The following NLRP2 variants were observed in gnomAD, a reference collection of about 807,000 sequenced individuals.
NLRP2 encodes NLR family pyrin domain containing 2, also known as NACHT, LRR and PYD domains-containing protein 2.
A neutral mutation model predicts 97.2 loss-of-function variants in NLRP2; 107 were observed. That is an observed-to-expected ratio of 1.10 (90% CI 0.94 to 1.29). The LOEUF is 1.29. Among genes scored for constraint, NLRP2 ranks in the 50% most tolerant of loss-of-function variants. The probability of loss-of-function intolerance (pLI) is 0.00; values close to 1 mark genes in which losing one functional copy is unlikely to be tolerated. For missense variants in NLRP2, 1,495 were observed against 1,330.3 expected (o/e 1.12, Z -1.93); for synonymous variants, 663 against 551.5 (o/e 1.20, Z -2.83).
chr19:54,983,579 A>C lies in NLRP2; in HGVS notation c.1881A>C (p.Glu627Asp). The change falls in exon 6 of 13, where the codon GAA becomes GAC. Residue 627 changes from glutamate (E) to aspartate (D), a missense_variant. Glu to Asp is a conservative substitution (Grantham distance 45, BLOSUM62 2). Transcript: ENST00000448584. ...AGGAGGTGATGGCTCAGTTCAAAGA[A>C]ATATCCCTGCACTTAAATGCAGTAG... Reference protein sequence around the residue: ...LVKEVMAQFKEISLHLNAVDV... With the variant: ...LVKEVMAQFKDISLHLNAVDV... 6.2e-7 allele frequency: 1 copy of C among 1,614,138 alleles called. No individual in the cohort carries two copies. Among genetic ancestry groups the C allele is most frequent in the Non-Finnish European group, 8.5e-7 (1 of 1,180,002 alleles).
intron 8 of NLRP2, among the ~76,000 whole-genome samples, chr19:54,987,137 C>CCCCCA (rs1568514926): frequency 1.4e-5 from 2 of 146,572 alleles, no homozygotes; most frequent in East Asian, 2.0e-4. Flanking sequence ...TACCCCCCCA[C>CCCCCA]CCCCACCCCA....
In NLRP2 at chr19:54,985,045, A is replaced by C. The variant is rs1230439135; in HGVS notation, c.2031-2A>C. ...TGTAACCCTTTCTTCTCTTCCCTATAGATCCCAGGATGATCAGCACATGCT... is the reference window on the plus strand; with the variant it reads ...TGTAACCCTTTCTTCTCTTCCCTATCGATCCCAGGATGATCAGCACATGCT... On this transcript the variant is annotated splice_acceptor_variant, in intron 6 of 12. Transcript: ENST00000448584. LOFTEE classifies it high-confidence loss of function. 1 of 1,614,038 alleles carries C rather than the reference A, an allele frequency of 6.2e-7. No homozygotes were observed. The highest frequency in any genetic ancestry group is 1.1e-5 in the South Asian group (1 of 91,088).
Position 54,985,162 on chromosome 19 carries a change from G to T in NLRP2, c.2146G>T (p.Val716Leu), listed in dbSNP as rs1239219069. The change falls in exon 7 of 13, where the codon GTA becomes TTA. Residue 716 changes from valine (V) to leucine (L), a missense_variant. Coordinates refer to ENST00000448584, the MANE Select transcript of NLRP2 (RefSeq NM_017852.5). ...TGATAGCTTTCTCAGTGCCTCCCTA[G>T]TAAGGATCCTGTGTGAACAAATAGC... is the stretch of plus-strand genomic sequence containing the variant. The part of the protein sequence containing the change: ...INDSFLSASL[V>L]RILCEQIASD... 1.9e-6 allele frequency: 3 copies of T among 1,613,968 alleles called. No homozygotes were observed. In the African/African-American group the frequency reaches 4.0e-5, roughly 22 times the overall value.
chr19:54,995,187 CTTTTTTT>C (rs34168825), intron 11 of NLRP2, among the ~76,000 whole-genome samples: 2 of 87,226 alleles, frequency 2.3e-5, no homozygotes, highest in Admixed American at 1.4e-4. Context: ...GTGGGTGCCT[CTTTTTTT>C]TTTTTTTTTT....
intron 9 of NLRP2, 97 bp downstream of exon 9, chr19:54,990,289 T>G (rs1304424436): frequency 7.7e-7 from 1 of 1,299,930 alleles, no homozygotes; most frequent in Non-Finnish European, 1.1e-6. Context: ...AACCTCTCGC[T>G]GATGTGAACA....
Position 54,983,433 on chromosome 19 carries a change from C to T in NLRP2, c.1735C>T (p.Pro579Ser), listed in dbSNP as rs765949937. Residue 579 changes from proline to serine, a missense_variant, in exon 6 of 13, where the codon CCG (proline) becomes TCG (serine). Physicochemically the swap from Pro to Ser is moderately conservative, Grantham distance 74 (BLOSUM62 -1). Coordinates refer to ENST00000448584, the MANE Select transcript of NLRP2 (RefSeq NM_017852.5). ...GGCCACTTTTGGCTGCCGGATGTCA[C>T]CGGACATCAAACAGGAATTGCTGCG... ...LEATFGCRMSPDIKQELLRCD... is the reference protein window; with the variant it reads ...LEATFGCRMSSDIKQELLRCD... 6.2e-7 allele frequency: 1 copy of T among 1,614,160 alleles called. No individual in the cohort carries two copies. Among genetic ancestry groups the T allele is most frequent in the Admixed American group, 1.7e-5 (1 of 59,994 alleles).
chr19:54,968,713 T>TTTTTTTTTTTTTG (rs1454134577), intron 1 of NLRP2, among the ~76,000 whole-genome samples: 3 of 135,664 alleles, frequency 2.2e-5, no homozygotes, highest in Non-Finnish European at 4.8e-5. Flanking sequence ...TTTTTTTTTT[T>TTTTTTTTTTTTTG]GAGACAGTTT....
intron 3 of NLRP2, 85 bp from the exon 4 acceptor site, chr19:54,977,667 T>A: frequency 1.5e-6 from 2 of 1,300,752 alleles, no homozygotes; most frequent in South Asian, 2.4e-5. Context: ...GCTTCACTAC[T>A]GAGACTCAGG....
chr19:54,974,853 G>A (rs917799815), intron 3 of NLRP2, among the ~76,000 whole-genome samples: 2 of 152,122 alleles, frequency 1.3e-5, no homozygotes, highest in Non-Finnish European at 2.9e-5. Context: ...AGGCTGAAGT[G>A]CAGTGGTACG....
intron 4 of NLRP2, among the ~76,000 whole-genome samples, chr19:54,979,886 C>T (rs1018566344): frequency 6.6e-6 from 1 of 151,594 alleles, no homozygotes; most frequent in South Asian, 2.1e-4. Context: ...AAGCGATTCT[C>T]CTGCCTCAGC....
chr19:54,974,137 C>T (rs1265881684), intron 2 of NLRP2: 3 of 656,908 alleles, frequency 4.6e-6, no homozygotes, highest in Admixed American at 4.2e-5. Flanking sequence ...GGGCGGATCA[C>T]AAGGTCAGGA....
chr19:54,984,329 G>GGTTTTTTTTTTTTTTTT (rs1329961462), intron 6 of NLRP2, among the ~76,000 whole-genome samples: 40 of 79,674 alleles, frequency 5.0e-4, no homozygotes, highest in Non-Finnish European at 7.3e-4. Flanking sequence ...TTTTTTTTGT[G>GGTTTTTTTTTTTTTTTT]TTTTTTTTTT....
At chr19:54,998,631 CTTTTTTTTT>C (rs1179005483) in intron 12 of NLRP2, among the ~76,000 whole-genome samples, 1 of 61,126 alleles carries the variant, frequency 1.6e-5, no homozygotes, top group Non-Finnish European at 2.9e-5. Flanking sequence ...TTTTTTTTTC[CTTTTTTTTT>C]TTTTTTTTTT....
intron 2 of NLRP2, among the ~76,000 whole-genome samples, chr19:54,971,173 T>A (rs1228125842): frequency 1.3e-3 from 190 of 151,476 alleles, no homozygotes; most frequent in Middle Eastern, 0.01. Flanking sequence ...ATGGCTGCAT[T>A]GTATTCCATG....
At chr19:54,977,307 G>A (rs777343762) in intron 3 of NLRP2, among the ~76,000 whole-genome samples, 19 of 151,992 alleles carry the variant, frequency 1.3e-4, no homozygotes, top group Non-Finnish European at 2.2e-4. Flanking sequence ...TGTAATCCCA[G>A]CTACTCCGGA....
intron 4 of NLRP2, among the ~76,000 whole-genome samples, chr19:54,979,903 A>G (rs2071465583): frequency 6.6e-6 from 1 of 151,924 alleles, no homozygotes; most frequent in African/African-American, 2.4e-5. Flanking sequence ...CAGCCTCCCA[A>G]ATAGCTGGGA....
At chr19:54,993,425 A>G (rs768132748) in intron 10 of NLRP2, 5 of 152,254 alleles carry the variant, frequency 3.3e-5, no homozygotes, top group African/African-American at 4.8e-5. Flanking sequence ...TTAGAACTCT[A>G]TTGAGACAGA....
chr19:54,999,028 C>T lies in NLRP2; in HGVS notation c.3050+1541C>T, dbSNP rs929849050. On this transcript the variant is annotated intron_variant, in intron 12 of 12. Transcript: ENST00000448584. ...ACAAAATGGGGGGCTGACCCCCCCA[C>T]CTCCCTCCCGGACAGGGCGGCTGGC... Among the ~76,000 whole-genome samples the T allele has an allele frequency of 5.3e-5, 8 of 150,838 alleles. 1 individual carries two copies.
chr19:54,995,849 C>A (rs1478133611), intron 11 of NLRP2, among the ~76,000 whole-genome samples: 1 of 151,770 alleles, frequency 6.6e-6, no homozygotes, highest in Non-Finnish European at 1.5e-5. Flanking sequence ...TAAAAACAGC[C>A]TGGCCAACAC....
Sources: allele counts gnomAD v4.1 joint callset (sites outside exome capture counted in the v4.1 genomes callset), GRCh38; gene constraint gnomAD v4.1.1; transcripts MANE v1.5; gene names NCBI Gene and HGNC (gene_info 2026-07-23, HGNC 2026-07-21).